ANK3: variants seen among roughly 807,000 people sequenced by gnomAD.
The protein encoded by ANK3 is ankyrin-3.
In ANK3, 57 loss-of-function variants were observed where a neutral mutation model predicts 370.9. That is an observed-to-expected ratio of 0.15 (90% confidence interval 0.12 to 0.19). ANK3 has a LOEUF of 0.19. Ranked by LOEUF, ANK3 falls within the 10% of genes least tolerant of loss-of-function variation. The pLI is 1.00. For missense variants in ANK3, 4,439 were observed against 5,302.1 expected (o/e 0.84, Z 5.06); for synonymous variants, 1,929 against 1,946.3 (o/e 0.99, Z 0.23).
At chr10:60,652,648 T>C (rs761221082) in intron 1 of ANK3, among the ~76,000 whole-genome samples, 14 of 148,990 alleles carry the variant, frequency 9.4e-5, no homozygotes, top group South Asian at 2.2e-4. Flanking sequence ...CCAGCTTGTT[T>C]ACCATATTAT....
At chr10:60,105,844 T>C in intron 28 of ANK3, 61 bp downstream of exon 28, 2 of 1,498,850 alleles carry the variant, frequency 1.3e-6, no homozygotes, top group South Asian at 2.7e-5. Flanking sequence ...TCATGTAATC[T>C]AGTCATTCCT....
intron 2 of ANK3, among the ~76,000 whole-genome samples, chr10:60,469,065 GTATA>G (rs36231232): frequency 0.013 from 322 of 24,294 alleles, 52 homozygotes; most frequent in African/African-American, 0.047. Flanking sequence ...ACCACTTTTA[GTATA>G]TATATATATA....
At chr10:60,268,083 C>T (rs11818962) in intron 5 of ANK3, among the ~76,000 whole-genome samples, 5,125 of 152,260 alleles carry the variant, frequency 0.034, 279 homozygotes, top group African/African-American at 0.12. Flanking sequence ...AACCACAGAG[C>T]ACTGTATCCT....
At chr10:60,387,548 C>G (rs780307413) in intron 1 of ANK3, among the ~76,000 whole-genome samples, 1 of 152,154 alleles carries the variant, frequency 6.6e-6, no homozygotes, top group Non-Finnish European at 1.5e-5. Flanking sequence ...TTAACAAGTA[C>G]AACAGCAATG....
intron 1 of ANK3, among the ~76,000 whole-genome samples, chr10:60,623,867 T>C (rs1027833091): frequency 2.6e-5 from 4 of 152,162 alleles, no homozygotes; most frequent in African/African-American, 9.7e-5. Context: ...AACAATGTGA[T>C]TTATATATGG....
chr10:60,229,072 C>A (rs1428869524), intron 8 of ANK3, among the ~76,000 whole-genome samples: 2 of 152,142 alleles, frequency 1.3e-5, no homozygotes, highest in African/African-American at 4.8e-5. Flanking sequence ...GAATGCTTTG[C>A]AACTGTAAAA....
Position 60,112,345 on chromosome 10 carries a change from T to C in ANK3, c.2948+1880A>G, listed in dbSNP as rs554353839. On this transcript the variant is annotated intron_variant, in intron 26 of 43. Coordinates refer to ENST00000280772, the MANE Select transcript of ANK3 (RefSeq NM_020987.5). ...TATCCCAGATGTTATATAGTTTCCT[T>C]CTTGAATCTGATTTTTTCTTTTGCT... Among the ~76,000 whole-genome samples, 619 of 151,532 alleles carry C rather than the reference T, an allele frequency of 4.1e-3. 5 individuals are homozygous for C. Among genetic ancestry groups the C allele is most frequent in the African/African-American group, 0.014 (586 of 41,320 alleles).
chr10:60,549,291 A>G (rs2077039370), intron 2 of ANK3, among the ~76,000 whole-genome samples: 2 of 152,208 alleles, frequency 1.3e-5, no homozygotes, highest in African/African-American at 4.8e-5. Context: ...GCTGTAGTTT[A>G]GAATATTAAT....
chr10:60,214,968 A>C (rs187118740), intron 8 of ANK3, among the ~76,000 whole-genome samples: 1 of 152,208 alleles, frequency 6.6e-6, no homozygotes, highest in South Asian at 2.1e-4. Context: ...ACTAATTTAC[A>C]TTCCTACCAA....
At chr10:60,213,220 T>C (rs577962795) in intron 9 of ANK3, among the ~76,000 whole-genome samples, 192 bp downstream of exon 9, 89 of 152,224 alleles carry the variant, frequency 5.8e-4, no homozygotes, top group African/African-American at 2.0e-3. Flanking sequence ...ACAAACAACT[T>C]TGTGGTATAG....
At chr10:60,474,512 T>C (rs2133088727) in intron 2 of ANK3, among the ~76,000 whole-genome samples, 1 of 152,252 alleles carries the variant, frequency 6.6e-6, no homozygotes, top group South Asian at 2.1e-4. Context: ...GAAAAACAAA[T>C]TTCCCAGCTT....
intron 4 of ANK3, among the ~76,000 whole-genome samples, chr10:60,275,794 T>C (rs945374843): frequency 3.3e-5 from 5 of 152,148 alleles, no homozygotes; most frequent in Non-Finnish European, 7.4e-5. Flanking sequence ...TAAAATATTA[T>C]TGGAAACAGA....
intron 2 of ANK3, among the ~76,000 whole-genome samples, chr10:60,398,014 A>G (rs1331281176): frequency 2.0e-5 from 3 of 152,210 alleles, no homozygotes; most frequent in African/African-American, 7.2e-5. Flanking sequence ...GACATGAGTC[A>G]GCAAACATTT....
chr10:60,672,933 C>T (rs2079080045), intron 1 of ANK3, among the ~76,000 whole-genome samples: 1 of 152,056 alleles, frequency 6.6e-6, no homozygotes, highest in Non-Finnish European at 1.5e-5. Flanking sequence ...GAAATCCCCA[C>T]ACATTCTGGT....
chr10:60,328,677 C>T (rs1294179467), intron 1 of ANK3, among the ~76,000 whole-genome samples: 2 of 152,128 alleles, frequency 1.3e-5, no homozygotes, highest in African/African-American at 4.8e-5. Flanking sequence ...AGCCCAGGAC[C>T]AGATGAATTC....
intron 1 of ANK3, among the ~76,000 whole-genome samples, chr10:60,364,560 G>A (rs1003293120): frequency 1.3e-5 from 2 of 151,988 alleles, no homozygotes; most frequent in Admixed American, 1.3e-4. Flanking sequence ...GGAGGCTACG[G>A]GTGGGATAGC....
intron 1 of ANK3, among the ~76,000 whole-genome samples, chr10:60,653,775 G>T (rs1432016183): frequency 6.6e-6 from 1 of 152,136 alleles, no homozygotes; most frequent in Middle Eastern, 3.2e-3. Context: ...GGCTAAGGTG[G>T]GAGAATCACT....
At chr10:60,375,507 G>C (rs972964797) in intron 1 of ANK3, among the ~76,000 whole-genome samples, 2 of 151,956 alleles carry the variant, frequency 1.3e-5, no homozygotes, top group Admixed American at 1.3e-4. Flanking sequence ...GGGGGGGGAG[G>C]GGGGAAGGAC....
At chr10:60,585,543 C>T (rs568228839) in intron 2 of ANK3, among the ~76,000 whole-genome samples, 7 of 152,254 alleles carry the variant, frequency 4.6e-5, no homozygotes, top group South Asian at 4.1e-4. Context: ...ATTAAGAATA[C>T]GCCCTTCTCC....
Sources: gnomAD v4.1 joint callset for allele counts (sites outside exome capture counted in the v4.1 genomes callset) on GRCh38, gnomAD v4.1.1 for gene constraint, MANE v1.5 for transcripts, NCBI Gene and HGNC (gene_info 2026-07-23, HGNC 2026-07-21) for gene names.